The following FGF13 variants were observed in gnomAD, a reference collection of about 807,000 sequenced individuals.
The protein encoded by FGF13 is fibroblast growth factor 13, also known as fibroblast growth factor homologous factor 2.
A neutral mutation model predicts 19.5 loss-of-function variants in FGF13; 2 were observed. The ratio of observed to expected loss-of-function variants is 0.10; its 90% CI spans 0.04 to 0.32. The LOEUF (loss-of-function observed/expected upper bound fraction) is 0.32, where lower values mean the gene tolerates loss of function less well. FGF13 is among the 10% of genes least tolerant of loss of function. The pLI, the probability that FGF13 is intolerant of heterozygous loss-of-function variation, is 1.00. For missense variants in FGF13, 113 were observed against 192.7 expected, an observed-to-expected ratio of 0.59 and a Z score of 2.45; for synonymous variants, 72 against 76.9, an observed-to-expected ratio of 0.94 and a Z score of 0.33.
chrX:138,852,063 C>A (rs1350688244), intron 3 of FGF13, among the ~76,000 whole-genome samples: 3 of 111,648 alleles, frequency 2.7e-5, no homozygotes, highest in Non-Finnish European at 5.7e-5. Context: ...CAAAATAAAT[C>A]AGAGGACACA....
At chrX:138,834,058 T>C (rs2124094532) in intron 3 of FGF13, among the ~76,000 whole-genome samples, 1 of 112,156 alleles carries the variant, frequency 8.9e-6, no homozygotes, top group East Asian at 2.8e-4. Flanking sequence ...GGATTTGGCT[T>C]GCCAGTATTT....
rs4019360 is a variant in FGF13 at position 138,627,597 on chromosome X, C to CTGTGTGTGTG, written c.*5243_*5252dup. ...GGAGGCCCATCTAGTGTGTGTGTGC[C>CTGTGTGTGTG]TGTGTGTGTGTGTGTGTGTGTGTGT... On this transcript the variant is annotated 3_prime_UTR_variant, in exon 5 of 5. Transcript: ENST00000315930. 14 of 86,317 alleles carry CTGTGTGTGTG rather than the reference C, an allele frequency of 1.6e-4. No individual in the cohort carries two copies. Among genetic ancestry groups the CTGTGTGTGTG allele is most frequent in the African/African-American group, 6.3e-4 (14 of 22,230 alleles). The allele number at this position is 86,317 out of a possible 1,213,427, so 7.1% of individuals were successfully genotyped here. A position where few individuals can be genotyped will look rare whatever the true frequency, so the allele number is the denominator to read the frequency against.
At chrX:138,666,869 C>T (rs1026929943) in intron 3 of FGF13, among the ~76,000 whole-genome samples, 3 of 109,606 alleles carry the variant, frequency 2.7e-5, no homozygotes, top group African/African-American at 9.9e-5. Flanking sequence ...TGAACAGTTC[C>T]TTGTTCCCAA....
rs1028936214 is a variant in FGF13 at position 138,621,780 on chromosome X, T to C, written c.*11070A>G. 3 of 110,941 alleles carry C rather than the reference T, an allele frequency of 2.7e-5. No individual in the cohort carries two copies. Among genetic ancestry groups the C allele is most frequent in the African/African-American group, 9.8e-5 (3 of 30,602 alleles). 9.1% of individuals were successfully genotyped at this position (110,941 alleles called of 1,213,427 possible). ...AGAGAAGACATTACAACTGATACCA[T>C]AGAAATATAAATGATCATTAGAGAC... On this transcript the variant is annotated 3_prime_UTR_variant, in exon 5 of 5. Transcript: ENST00000315930.
intron 3 of FGF13, among the ~76,000 whole-genome samples, chrX:138,829,136 C>T (rs2091054061): frequency 9.0e-6 from 1 of 111,549 alleles, no homozygotes; most frequent in South Asian, 3.8e-4. Context: ...ATGAGTTTGG[C>T]CCAATTTCCT....
chrX:138,944,838 C>T (rs1471769404), intron 1 of FGF13, among the ~76,000 whole-genome samples: 1 of 111,342 alleles, frequency 9.0e-6, no homozygotes, highest in African/African-American at 3.3e-5. Flanking sequence ...ACAGAAGTGG[C>T]AATTCTCTCA....
At chrX:138,849,725 T>C (rs1166561719) in intron 3 of FGF13, among the ~76,000 whole-genome samples, 1 of 111,778 alleles carries the variant, frequency 8.9e-6, no homozygotes, top group Non-Finnish European at 1.9e-5. Flanking sequence ...TCCAGAAAAG[T>C]TGGCAAGACA....
intron 3 of FGF13, among the ~76,000 whole-genome samples, chrX:138,830,654 C>T (rs1474217163): frequency 2.9e-5 from 3 of 104,324 alleles, no homozygotes; most frequent in African/African-American, 7.0e-5. Flanking sequence ...GGAAAATTTG[C>T]AACCTGGCCA....
At chrX:138,768,953 TTTG>T (rs776723488) in intron 3 of FGF13, among the ~76,000 whole-genome samples, 10 of 109,118 alleles carry the variant, frequency 9.2e-5, no homozygotes, top group Admixed American at 2.0e-4. Context: ...CTTGACTGCT[TTTG>T]TTCTGTTCTG....
At chrX:138,872,792 C>T (rs1008402140) in intron 1 of FGF13, among the ~76,000 whole-genome samples, 11 of 111,803 alleles carry the variant, frequency 9.8e-5, no homozygotes, top group African/African-American at 3.6e-4. Context: ...AGCTCAGCTC[C>T]TTCCTTTTTA....
intron 1 of FGF13, among the ~76,000 whole-genome samples, chrX:139,140,667 G>T (rs560021515): frequency 6.4e-4 from 71 of 111,026 alleles, no homozygotes; most frequent in African/African-American, 2.1e-3. Context: ...CAGGCAGTAT[G>T]GGGGAGGGGA....
intron 3 of FGF13, among the ~76,000 whole-genome samples, chrX:138,748,240 T>C (rs1332161209): frequency 8.9e-6 from 1 of 111,913 alleles, no homozygotes; most frequent in Non-Finnish European, 1.9e-5. Flanking sequence ...TGAACTGAAT[T>C]GCATCCCCCA....
chrX:139,144,697 C>T (rs1304354306), intron 1 of FGF13, among the ~76,000 whole-genome samples: 7 of 111,014 alleles, frequency 6.3e-5, no homozygotes, highest in African/African-American at 2.3e-4. Flanking sequence ...AGCATGTTAC[C>T]AAAGCCTCTA....
intron 1 of FGF13, among the ~76,000 whole-genome samples, chrX:138,905,300 A>T (rs1009369682): frequency 8.9e-6 from 1 of 112,150 alleles, no homozygotes; most frequent in African/African-American, 3.2e-5. Context: ...TAATAAAACT[A>T]TTTAATTAGG....
intron 3 of FGF13, among the ~76,000 whole-genome samples, chrX:138,818,464 A>T (rs775461934): frequency 1.5e-4 from 16 of 105,242 alleles, no homozygotes; most frequent in African/African-American, 4.9e-4. Context: ...ATCTAATCAT[A>T]CTCCTAAAGT....
chrX:138,702,896 C>G, intron 3 of FGF13, 88 bp downstream of exon 3: 1 of 587,780 alleles, frequency 1.7e-6, no homozygotes, highest in Non-Finnish European at 2.9e-6. Context: ...TCACAGAAAT[C>G]TGTAATGATA....
rs186173186 is a variant in FGF13, at chrX:139,124,351, T to G, written c.-113+79065A>C. ...ATGAACGTAGAAATCTTTTCACAAC[T>G]AAGGCCCATCAGATATGGGAATTTA... On this transcript the variant is annotated intron_variant, in intron 1 of 2. Coordinates refer to the FGF13 transcript ENST00000421460. Among the ~76,000 whole-genome samples, 106 of 112,205 alleles carry G rather than the reference T, an allele frequency of 9.4e-4. 1 individual carries two copies. The highest frequency in any genetic ancestry group is 3.0e-3 in the African/African-American group (92 of 30,861).
At chrX:138,933,350 C>A in intron 1 of FGF13, among the ~76,000 whole-genome samples, 1 of 111,975 alleles carries the variant, frequency 8.9e-6, no homozygotes, top group African/African-American at 3.2e-5. Context: ...TAAGATATTT[C>A]TTAACATGGA....
At chrX:139,185,478 G>T (rs2084275456) in intron 1 of FGF13, among the ~76,000 whole-genome samples, 1 of 111,981 alleles carries the variant, frequency 8.9e-6, no homozygotes, top group Non-Finnish European at 1.9e-5. Context: ...CTTGCCAGTT[G>T]TAGTTTTGGC....
Sources: allele counts gnomAD v4.1 joint callset (sites outside exome capture counted in the v4.1 genomes callset), GRCh38; gene constraint gnomAD v4.1.1; transcripts MANE v1.5; gene names NCBI Gene and HGNC (gene_info 2026-07-23, HGNC 2026-07-21).